PALS2: variants seen among roughly 807,000 people sequenced by gnomAD.
PALS2 encodes the protein protein PALS2.
Under a neutral mutation model 61.6 loss-of-function variants are expected in PALS2, and 27 were observed. That is an observed-to-expected ratio of 0.44 (90% CI 0.32 to 0.60). PALS2 has a LOEUF of 0.60. Among genes scored for constraint, PALS2 ranks in the 20% least tolerant of loss-of-function variants. PALS2 has a pLI of 0.05. For missense variants in PALS2, 554 were observed against 639.4 expected (o/e 0.87, Z 1.44); for synonymous variants, 236 against 218.6 (o/e 1.08, Z -0.70).
chr7:24,666,588 A>C (rs1311693326), intron 8 of PALS2, among the ~76,000 whole-genome samples: 1 of 152,174 alleles, frequency 6.6e-6, no homozygotes, highest in Non-Finnish European at 1.5e-5. Flanking sequence ...AAAGAAATAT[A>C]TTTAAAAAGA....
intron 5 of PALS2, among the ~76,000 whole-genome samples, chr7:24,660,909 A>T (rs1786685205): frequency 6.6e-6 from 1 of 152,210 alleles, no homozygotes; most frequent in African/African-American, 2.4e-5. Flanking sequence ...TGCTAATCTG[A>T]TAGGAAAAAA....
Position 24,618,480 on chromosome 7 carries a change from G to T in PALS2, c.-2-5186G>T, listed in dbSNP as rs1014621437. Among the ~76,000 whole-genome samples the T allele has an allele frequency of 6.6e-6, 1 of 152,230 alleles. No homozygotes were observed. The highest frequency in any genetic ancestry group is 2.4e-5 in the African/African-American group (1 of 41,460). ...CTGGTCTCAAGGTGATCGGTGACATGCTGCAGCAGCTTGGCTCACAAGGGA... is the reference window on the plus strand; with the variant it reads ...CTGGTCTCAAGGTGATCGGTGACATTCTGCAGCAGCTTGGCTCACAAGGGA... On this transcript the variant is annotated intron_variant, in intron 1 of 11. Transcript: ENST00000222644. The surrounding 1 kb of genome is among the most constrained non-coding windows in gnomAD (Gnocchi z 5.1).
In PALS2 at chr7:24,670,456, A is replaced by G. The variant is rs374923684; in HGVS notation, c.1114+1796A>G. ...CACTGGAGTAGTTCCCTTTGTTGTT[A>G]TCCTGGGTTGAAGCTGTTGTTCCTG... is the stretch of plus-strand genomic sequence containing the variant. On this transcript the variant is annotated intron_variant, in intron 9 of 11. Transcript: ENST00000222644. Among the ~76,000 whole-genome samples the G allele has an allele frequency of 5.3e-5, 8 of 151,450 alleles. No homozygotes were observed. The South Asian group carries it at 1.0e-3, about 20-fold the overall frequency.
intron 2 of PALS2, among the ~76,000 whole-genome samples, chr7:24,624,806 CA>C (rs1784670907): frequency 6.6e-6 from 1 of 151,920 alleles, no homozygotes; most frequent in East Asian, 1.9e-4. Flanking sequence ...GGGGTTTCAC[CA>C]TGTTGGCGCA....
At chr7:24,647,927 A>C (rs1377766731) in intron 3 of PALS2, among the ~76,000 whole-genome samples, 1 of 152,200 alleles carries the variant, frequency 6.6e-6, no homozygotes, top group African/African-American at 2.4e-5. Flanking sequence ...CTAGAGATAG[A>C]AATTTAAGAG....
intron 11 of PALS2, among the ~76,000 whole-genome samples, chr7:24,684,938 A>G (rs1788116214): frequency 6.6e-6 from 1 of 151,996 alleles, no homozygotes; most frequent in Non-Finnish European, 1.5e-5. Flanking sequence ...ATATCCCACT[A>G]GATTTTTTTT....
intron 8 of PALS2, among the ~76,000 whole-genome samples, chr7:24,667,269 A>G (rs1787069885): frequency 6.6e-6 from 1 of 152,176 alleles, no homozygotes; most frequent in Admixed American, 6.5e-5. Flanking sequence ...ATCGACTAAG[A>G]TTATAATTTT....
chr7:24,627,827 G>A (rs773101537), intron 2 of PALS2, among the ~76,000 whole-genome samples: 20 of 152,134 alleles, frequency 1.3e-4, no homozygotes, highest in Non-Finnish European at 2.8e-4. Flanking sequence ...CCAGGAAGAA[G>A]TCAAATCCCT....
chr7:24,590,201 A>G (rs948528554), intron 1 of PALS2, among the ~76,000 whole-genome samples: 1 of 152,160 alleles, frequency 6.6e-6, no homozygotes, highest in East Asian at 1.9e-4. Context: ...GCTTACTTCT[A>G]AAGTCTTAGA....
intron 1 of PALS2, among the ~76,000 whole-genome samples, chr7:24,601,905 A>G (rs1024420926): frequency 6.6e-6 from 1 of 152,100 alleles, no homozygotes; most frequent in Non-Finnish European, 1.5e-5. Flanking sequence ...AAATATCTTA[A>G]TATGAGTCCA....
chr7:24,616,053 A>G (rs1281393024), intron 1 of PALS2, among the ~76,000 whole-genome samples: 2 of 152,130 alleles, frequency 1.3e-5, no homozygotes. Flanking sequence ...TACCTTAACA[A>G]AATAATGGCC....
chr7:24,662,453 T>C (rs1294785359), intron 5 of PALS2, among the ~76,000 whole-genome samples: 1 of 152,068 alleles, frequency 6.6e-6, no homozygotes, highest in Non-Finnish European at 1.5e-5. Context: ...TCTATAAATA[T>C]ATATAAAACA....
At chr7:24,635,173 T>A (rs1025281410) in intron 2 of PALS2, among the ~76,000 whole-genome samples, 1 of 152,234 alleles carries the variant, frequency 6.6e-6, no homozygotes, top group African/African-American at 2.4e-5. Flanking sequence ...ATTGCCATCT[T>A]AACAGTGATG....
chr7:24,635,651 C>G (rs1472295814), intron 2 of PALS2, among the ~76,000 whole-genome samples: 1 of 152,156 alleles, frequency 6.6e-6, no homozygotes, highest in Non-Finnish European at 1.5e-5. Flanking sequence ...TCTAATCTTT[C>G]ACTAGTAAAT....
chr7:24,632,486 G>A (rs557706223), intron 2 of PALS2, among the ~76,000 whole-genome samples: 7 of 151,968 alleles, frequency 4.6e-5, no homozygotes, highest in Non-Finnish European at 1.0e-4. Flanking sequence ...TGCAACCTCC[G>A]ATTCCCTGGT....
chr7:24,654,708 A>C (rs1160284097), intron 5 of PALS2, among the ~76,000 whole-genome samples: 1 of 152,212 alleles, frequency 6.6e-6, no homozygotes, highest in Non-Finnish European at 1.5e-5. Flanking sequence ...CAGTCAAAAC[A>C]GGGTTTTCCA....
At chr7:24,632,979 ACC>A (rs1785065653) in intron 2 of PALS2, among the ~76,000 whole-genome samples, 1 of 151,996 alleles carries the variant, frequency 6.6e-6, no homozygotes, top group Admixed American at 6.6e-5. Flanking sequence ...ATAACATCAT[ACC>A]ACTTACAGTG....
intron 1 of PALS2, among the ~76,000 whole-genome samples, chr7:24,597,426 G>A (rs1783564740): frequency 6.6e-6 from 1 of 152,236 alleles, no homozygotes; most frequent in South Asian, 2.1e-4. Flanking sequence ...GTGGAGAACT[G>A]GAAAGATAAC....
Position 24,662,768 on chromosome 7 carries a change from G to GAAAA in PALS2, c.652-797_652-794dup, listed in dbSNP as rs59367702. Among the ~76,000 whole-genome samples the GAAAA allele has an allele frequency of 7.9e-3, 804 of 102,372 alleles. 2 individuals are homozygous for GAAAA. Among genetic ancestry groups the GAAAA allele is most frequent in the Non-Finnish European group, 0.014 (631 of 43,888 alleles). The allele number at this position is 102,372 out of a possible 152,430, so 67.2% of individuals were successfully genotyped here. On this transcript the variant is annotated intron_variant, in intron 5 of 11. Transcript: ENST00000222644. Reference sequence around the variant, plus strand: ...TGGGTGAAAGAGTGAGACTCCATCTGAAAAAAAAAAAAAAAAAAAAAAAAA... The same window carrying GAAAA: ...TGGGTGAAAGAGTGAGACTCCATCTGAAAAAAAAAAAAAAAAAAAAAAAAAAAAA...
Sources: gnomAD v4.1 joint callset for allele counts (sites outside exome capture counted in the v4.1 genomes callset) on GRCh38, gnomAD v4.1.1 for gene constraint, Gnocchi (gnomAD v3.1) non-coding constraint, MANE v1.5 for transcripts, NCBI Gene and HGNC (gene_info 2026-07-23, HGNC 2026-07-21) for gene names.